The following DOCK3 variants were observed in gnomAD, a reference collection of about 807,000 sequenced individuals.
DOCK3 encodes the protein dedicator of cytokinesis protein 3.
In DOCK3, 60 loss-of-function variants were observed where a neutral mutation model predicts 265.6. The observed-to-expected ratio is 0.23, with a 90% CI of 0.18 to 0.28. DOCK3 has a LOEUF of 0.28. Among genes scored for constraint, DOCK3 ranks in the 10% least tolerant of loss-of-function variants. DOCK3 has a pLI of 1.00. For missense variants in DOCK3, 1,981 were observed against 2,594.3 expected (o/e 0.76, Z 5.14); for synonymous variants, 881 against 938.0 (o/e 0.94, Z 1.11).
intron 19 of DOCK3, among the ~76,000 whole-genome samples, chr3:51,233,884 T>C (rs535463312): frequency 1.3e-5 from 2 of 152,340 alleles, no homozygotes; most frequent in South Asian, 4.1e-4. Context: ...AACACCTAGA[T>C]TGTTTCCATA....
chr3:51,332,575 C>T (rs1047382235), intron 33 of DOCK3, among the ~76,000 whole-genome samples: 6 of 152,160 alleles, frequency 3.9e-5, no homozygotes, highest in African/African-American at 1.2e-4. Context: ...TATGGTGGCT[C>T]ATGCCCATAA....
At chr3:51,344,486 G>A (rs891945315) in intron 38 of DOCK3, among the ~76,000 whole-genome samples, 1 of 152,204 alleles carries the variant, frequency 6.6e-6, no homozygotes, top group Non-Finnish European at 1.5e-5. Flanking sequence ...TGGGTGTGGT[G>A]GCGCATGCCT....
At chr3:51,000,387 C>T (rs972161580) in intron 5 of DOCK3, among the ~76,000 whole-genome samples, 3 of 152,214 alleles carry the variant, frequency 2.0e-5, no homozygotes, top group African/African-American at 4.8e-5. Context: ...TCTTCTGCTC[C>T]CCTCAGAACC....
chr3:50,741,396 G>A (rs2039015716), intron 1 of DOCK3, among the ~76,000 whole-genome samples: 1 of 148,190 alleles, frequency 6.7e-6, no homozygotes, highest in South Asian at 2.2e-4. Flanking sequence ...TTAGCATTAG[G>A]TATATCTCCT....
At chr3:50,728,947 C>T (rs938100807) in intron 1 of DOCK3, among the ~76,000 whole-genome samples, 1 of 149,314 alleles carries the variant, frequency 6.7e-6, no homozygotes, top group Admixed American at 6.6e-5. Flanking sequence ...TGGTCTCAAA[C>T]TCCTGACCTC....
intron 5 of DOCK3, among the ~76,000 whole-genome samples, chr3:50,962,684 T>C (rs1283368094): frequency 6.7e-6 from 1 of 149,952 alleles, no homozygotes; most frequent in African/African-American, 2.4e-5. Context: ...ACCTGTAGCT[T>C]AGAGAACATT....
rs551396210 is a variant in DOCK3, at chr3:51,202,830, G to A, written c.1038-5944G>A. Among the ~76,000 whole-genome samples the A allele has an allele frequency of 8.3e-4, 126 of 151,228 alleles. 1 individual carries two copies. The highest frequency in any genetic ancestry group is 1.4e-3 in the Admixed American group (22 of 15,264). ...AAAAGCTTATCCACCATGATCAAGT[G>A]GGCTTCATGCTGGGATGCAAGGCTG... is the stretch of plus-strand genomic sequence containing the variant. On this transcript the variant is annotated intron_variant, in intron 12 of 52. Transcript: ENST00000266037.
chr3:51,264,996 A>G (rs2080084099), intron 23 of DOCK3, among the ~76,000 whole-genome samples: 1 of 152,104 alleles, frequency 6.6e-6, no homozygotes. Flanking sequence ...AAATAGACAC[A>G]ACAAAAAATG....
chr3:51,109,401 A>G (rs927897940), intron 9 of DOCK3, among the ~76,000 whole-genome samples: 2 of 152,164 alleles, frequency 1.3e-5, no homozygotes, highest in Non-Finnish European at 2.9e-5. Flanking sequence ...TATTGCACTA[A>G]ACACTCATAT....
At chr3:50,950,930 A>G (rs1054225669) in intron 5 of DOCK3, among the ~76,000 whole-genome samples, 7 of 151,976 alleles carry the variant, frequency 4.6e-5, no homozygotes. Context: ...ATTGGAGAGA[A>G]TCTCCAATCT....
chr3:51,081,975 T>TG (rs2082259776), intron 7 of DOCK3, among the ~76,000 whole-genome samples: 7 of 151,684 alleles, frequency 4.6e-5, no homozygotes, highest in Admixed American at 4.6e-4. Flanking sequence ...ACCTGGCACT[T>TG]GCCTTCTACT....
chr3:51,297,794 A>AT (rs58008589), intron 27 of DOCK3, among the ~76,000 whole-genome samples: 132,764 of 148,842 alleles, frequency 0.89, 59,124 homozygotes, highest in East Asian at 0.93. Flanking sequence ...AATAATAATA[A>AT]TTTTTTTTTA....
chr3:51,143,942 A>G (rs753473173), intron 9 of DOCK3, among the ~76,000 whole-genome samples: 1 of 152,250 alleles, frequency 6.6e-6, no homozygotes, highest in Non-Finnish European at 1.5e-5. Flanking sequence ...TGTGAACAAG[A>G]TATACAAGAT....
intron 21 of DOCK3, among the ~76,000 whole-genome samples, chr3:51,241,504 C>T (rs1003287454): frequency 1.3e-5 from 2 of 152,178 alleles, no homozygotes; most frequent in African/African-American, 4.8e-5. Context: ...GGATGATATC[C>T]TGAAATATGT....
chr3:50,835,688 C>G (rs1385815360), intron 2 of DOCK3, among the ~76,000 whole-genome samples: 1 of 152,144 alleles, frequency 6.6e-6, no homozygotes. Context: ...TAAGCAGGCA[C>G]AACTGGAAGG....
intron 1 of DOCK3, among the ~76,000 whole-genome samples, chr3:50,751,692 A>G (rs1159276445): frequency 1.3e-5 from 2 of 152,180 alleles, no homozygotes; most frequent in Non-Finnish European, 1.5e-5. Context: ...ATATTAGTCC[A>G]TTCACATACT....
At chr3:51,276,479 G>A in intron 25 of DOCK3, 1 of 973,412 alleles carries the variant, frequency 1.0e-6, no homozygotes, top group South Asian at 4.7e-5. Flanking sequence ...GGTTGTGTTT[G>A]TGGGGCTAGA....
chr3:51,202,030 G>C (rs1038767756), intron 12 of DOCK3, among the ~76,000 whole-genome samples: 6 of 152,182 alleles, frequency 3.9e-5, no homozygotes, highest in Non-Finnish European at 8.8e-5. Context: ...GCAGTGTGTA[G>C]AGGGAAATTT....
chr3:50,974,458 A>G (rs1381120678), intron 5 of DOCK3, among the ~76,000 whole-genome samples: 9 of 151,850 alleles, frequency 5.9e-5, no homozygotes, highest in African/African-American at 1.7e-4. Flanking sequence ...GTAGATATGC[A>G]GCGTTATTTC....
Sources: allele counts gnomAD v4.1 joint callset (sites outside exome capture counted in the v4.1 genomes callset), GRCh38; gene constraint gnomAD v4.1.1; transcripts MANE v1.5; gene names NCBI Gene and HGNC (gene_info 2026-07-23, HGNC 2026-07-21).